Variants in PBX3 observed in about 807,000 individuals in gnomAD.
The protein encoded by PBX3 is PBX homeobox 3, also known as pre-B-cell leukemia transcription factor 3.
A neutral mutation model predicts 48.5 loss-of-function variants in PBX3; 14 were observed. The ratio of observed to expected loss-of-function variants is 0.29; its 90% CI spans 0.19 to 0.45. PBX3 has a LOEUF of 0.45. Among genes scored for constraint, PBX3 ranks in the 20% least tolerant of loss-of-function variants. PBX3 has a pLI of 1.00. For synonymous variants in PBX3, 210 were observed against 200.3 expected (o/e 1.05, Z -0.41); for missense variants, 386 against 546.7 (o/e 0.71, Z 2.93).
intron 3 of PBX3, among the ~76,000 whole-genome samples, chr9:125,924,175 TA>T (rs1232988440): frequency 2.6e-5 from 4 of 152,202 alleles, no homozygotes; most frequent in African/African-American, 9.7e-5. Flanking sequence ...CAGCCCTAAT[TA>T]ATTTAAAAAT....
intron 2 of PBX3, among the ~76,000 whole-genome samples, chr9:125,809,348 A>G (rs1838219772): frequency 6.6e-6 from 1 of 152,012 alleles, no homozygotes; most frequent in South Asian, 2.1e-4. Flanking sequence ...TTGGGAAAAA[A>G]TCTTTTTTCT....
chr9:125,882,849 C>T (rs1408805941), intron 2 of PBX3, among the ~76,000 whole-genome samples: 1 of 152,116 alleles, frequency 6.6e-6, no homozygotes, highest in Non-Finnish European at 1.5e-5. Flanking sequence ...GCTATATACC[C>T]CCCGTTTCAA....
chr9:125,817,584 A>T (rs1237036266), intron 2 of PBX3, among the ~76,000 whole-genome samples: 3 of 152,224 alleles, frequency 2.0e-5, no homozygotes, highest in African/African-American at 2.4e-5. Flanking sequence ...ATACACTTTG[A>T]TAACGGTGCA....
intron 2 of PBX3, among the ~76,000 whole-genome samples, chr9:125,836,508 A>G (rs1370204146): frequency 6.6e-6 from 1 of 152,144 alleles, no homozygotes; most frequent in African/African-American, 2.4e-5. Flanking sequence ...TGGGAAGCGT[A>G]GGTAGTCAGG....
chr9:125,961,061 G>A (rs1230929798), intron 6 of PBX3, among the ~76,000 whole-genome samples: 1 of 152,268 alleles, frequency 6.6e-6, no homozygotes, highest in Non-Finnish European at 1.5e-5. Context: ...CCACTCACTA[G>A]TAGATTATGG....
At chr9:125,898,171 G>A (rs1361427976) in intron 2 of PBX3, among the ~76,000 whole-genome samples, 2 of 151,622 alleles carry the variant, frequency 1.3e-5, no homozygotes, top group Non-Finnish European at 3.0e-5. Context: ...CAGTGGTTTT[G>A]CATTTTTAGA....
chr9:125,883,887 T>TA (rs1454894172), intron 2 of PBX3, among the ~76,000 whole-genome samples: 1 of 152,190 alleles, frequency 6.6e-6, no homozygotes, highest in Non-Finnish European at 1.5e-5. Flanking sequence ...TTCTGAGAGT[T>TA]ATAGCTGTTT....
chr9:125,762,318 T>C (rs565328851), intron 2 of PBX3, among the ~76,000 whole-genome samples: 1 of 152,268 alleles, frequency 6.6e-6, no homozygotes, highest in East Asian at 1.9e-4. Flanking sequence ...AAAAATATAG[T>C]CCACCCACTA....
intron 2 of PBX3, among the ~76,000 whole-genome samples, chr9:125,767,592 A>G (rs557184874): frequency 9.2e-5 from 14 of 152,284 alleles, no homozygotes; most frequent in Middle Eastern, 3.4e-3. Context: ...CTTTCTAGAA[A>G]AGTGCACATA....
chr9:125,933,323 G>C (rs575917617), intron 4 of PBX3, among the ~76,000 whole-genome samples: 1 of 152,306 alleles, frequency 6.6e-6, no homozygotes, highest in African/African-American at 2.4e-5. Context: ...GAATAAATTT[G>C]TGTAGGTCCG....
intron 2 of PBX3, among the ~76,000 whole-genome samples, chr9:125,873,602 CAAAGAAATTGT>C (rs1840179827): frequency 6.7e-6 from 1 of 149,548 alleles, no homozygotes; most frequent in African/African-American, 2.6e-5. Flanking sequence ...ATTCTCAAGT[CAAAGAAATTGT>C]GGAGAAATTG....
At chr9:125,918,049 A>G (rs1043839699) in intron 3 of PBX3, among the ~76,000 whole-genome samples, 49 of 152,324 alleles carry the variant, frequency 3.2e-4, no homozygotes, top group African/African-American at 1.2e-3. Context: ...TCCTAATTGT[A>G]TAACTTTATG....
chr9:125,797,052 C>T (rs533272293), intron 2 of PBX3, among the ~76,000 whole-genome samples: 12 of 152,032 alleles, frequency 7.9e-5, no homozygotes, highest in South Asian at 2.1e-4. Flanking sequence ...TGCTAATGAA[C>T]GTTTATTTGT....
chr9:125,794,074 A>C (rs1837703160), intron 2 of PBX3, among the ~76,000 whole-genome samples: 3 of 152,232 alleles, frequency 2.0e-5, no homozygotes, highest in Admixed American at 2.0e-4. Flanking sequence ...CAAAAGCCTG[A>C]TAAACTGAAT....
chr9:125,852,408 T>G (rs1162792772), intron 2 of PBX3, among the ~76,000 whole-genome samples: 1 of 152,206 alleles, frequency 6.6e-6, no homozygotes, highest in Non-Finnish European at 1.5e-5. Context: ...CTACCTGTTT[T>G]AATTCAAGCC....
chr9:125,753,956 A>G, intron 2 of PBX3, among the ~76,000 whole-genome samples: 1 of 152,124 alleles, frequency 6.6e-6, no homozygotes. Flanking sequence ...TTGATACTTT[A>G]TAGTGGCATG....
chr9:125,886,353 G>C (rs950405605), intron 2 of PBX3, among the ~76,000 whole-genome samples: 2 of 152,068 alleles, frequency 1.3e-5, no homozygotes, highest in Non-Finnish European at 2.9e-5. Flanking sequence ...ACAGTTAAGA[G>C]ATTTTTATCA....
intron 2 of PBX3, among the ~76,000 whole-genome samples, chr9:125,905,504 T>C (rs1841048647): frequency 6.6e-6 from 1 of 152,066 alleles, no homozygotes; most frequent in Non-Finnish European, 1.5e-5. Context: ...TGGACTATGC[T>C]TTGAGAAGTC....
At position 125,783,181 on chromosome 9, in the gene PBX3, A is replaced by C. The variant is rs116317198; in HGVS notation, c.274+34558A>C. Among the ~76,000 whole-genome samples the C allele has an allele frequency of 2.8e-3, 423 of 152,226 alleles. 1 individual carries two copies. The highest frequency in any genetic ancestry group is 9.5e-3 in the African/African-American group (396 of 41,538). On this transcript the variant is annotated intron_variant, in intron 2 of 8. Transcript: ENST00000373489. ...CTTTCTTTTTGGGACTCCCATTATT[A>C]TATGTTGGTGTGCATGATGTCCCAA...
Sources: gnomAD v4.1 joint callset for allele counts (sites outside exome capture counted in the v4.1 genomes callset) on GRCh38, gnomAD v4.1.1 for gene constraint, MANE v1.5 for transcripts, NCBI Gene and HGNC (gene_info 2026-07-23, HGNC 2026-07-21) for gene names.